SLC24A2: variants seen among roughly 807,000 people sequenced by gnomAD.
SLC24A2 encodes the protein solute carrier family 24 member 2, also known as sodium/potassium/calcium exchanger 2.
In SLC24A2, 36 loss-of-function variants were observed where a neutral mutation model predicts 62.0. That is an observed-to-expected ratio of 0.58 (90% CI 0.44 to 0.77). The LOEUF (loss-of-function observed/expected upper bound fraction) is 0.77. Ranked by LOEUF, SLC24A2 falls within the 30% of genes least tolerant of loss-of-function variation. SLC24A2 has a pLI of 0.00. For synonymous variants in SLC24A2, 358 were observed against 294.0 expected (o/e 1.22, Z -2.23); for missense variants, 846 against 817.9 (o/e 1.03, Z -0.42).
the SLC24A2 span, among the ~76,000 whole-genome samples, chr9:19,983,658 A>C: frequency 6.6e-6 from 1 of 152,148 alleles, no homozygotes; most frequent in South Asian, 2.1e-4. Context: ...AAAAGAAAAA[A>C]ATGTTTTATT....
the SLC24A2 span, among the ~76,000 whole-genome samples, chr9:20,263,865 C>CG: frequency 1.8e-5 from 1 of 55,126 alleles, no homozygotes; most frequent in Non-Finnish European, 3.4e-5. Flanking sequence ...CCACCCGCCC[C>CG]CCCCCCCCCA....
chr9:20,032,895 C>G, the SLC24A2 span, among the ~76,000 whole-genome samples: 1 of 152,142 alleles, frequency 6.6e-6, no homozygotes, highest in South Asian at 2.1e-4. Flanking sequence ...TCCTCATTCC[C>G]AGCGGCTGAC....
At chr9:19,821,660 T>G in the SLC24A2 span, among the ~76,000 whole-genome samples, 1 of 152,110 alleles carries the variant, frequency 6.6e-6, no homozygotes, top group South Asian at 2.1e-4. Context: ...AGATCAGAAT[T>G]TTTAAATGCC....
chr9:19,773,168 T>C (rs537276612), intron 2 of SLC24A2, among the ~76,000 whole-genome samples: 1 of 152,220 alleles, frequency 6.6e-6, no homozygotes, highest in Non-Finnish European at 1.5e-5. Context: ...GAGGGAGGAA[T>C]TGGGAGAGAC....
chr9:20,025,824 G>C, the SLC24A2 span, among the ~76,000 whole-genome samples: 12 of 152,084 alleles, frequency 7.9e-5, no homozygotes, highest in African/African-American at 2.7e-4. Flanking sequence ...CTTGCCAACA[G>C]TTTTTATAGA....
chr9:20,264,292 G>T, the SLC24A2 span, among the ~76,000 whole-genome samples: 95 of 152,316 alleles, frequency 6.2e-4, no homozygotes, highest in African/African-American at 2.3e-3. Flanking sequence ...GATTACATGA[G>T]TTCCTGCTTG....
At chr9:19,616,692 A>G (rs1192416760) in intron 4 of SLC24A2, among the ~76,000 whole-genome samples, 1 of 152,210 alleles carries the variant, frequency 6.6e-6, no homozygotes, top group Non-Finnish European at 1.5e-5. Context: ...TGAATAAAAT[A>G]GAGTCCCTGG....
the SLC24A2 span, among the ~76,000 whole-genome samples, chr9:20,236,604 C>G: frequency 2.0e-5 from 3 of 152,108 alleles, no homozygotes; most frequent in Non-Finnish European, 2.9e-5. Flanking sequence ...TGGATCTAAA[C>G]CAATCAAGTC....
chr9:20,214,457 CA>C, the SLC24A2 span, among the ~76,000 whole-genome samples: 1 of 151,160 alleles, frequency 6.6e-6, no homozygotes, highest in Non-Finnish European at 1.5e-5. Context: ...CTAAACAATA[CA>C]AAAAAAATTA....
At chr9:20,059,599 A>C in the SLC24A2 span, among the ~76,000 whole-genome samples, 2 of 152,166 alleles carry the variant, frequency 1.3e-5, no homozygotes, top group Admixed American at 6.6e-5. Context: ...TTTGAGATGA[A>C]TGAAAATGAA....
intron 2 of SLC24A2, among the ~76,000 whole-genome samples, chr9:19,729,906 G>A (rs988776361): frequency 3.9e-5 from 6 of 152,090 alleles, no homozygotes; most frequent in Non-Finnish European, 8.8e-5. Context: ...ACATGTTTGA[G>A]ATGATGGATA....
intron 8 of SLC24A2, among the ~76,000 whole-genome samples, chr9:19,543,367 A>G (rs1191565365): frequency 1.3e-5 from 2 of 148,434 alleles, no homozygotes; most frequent in African/African-American, 2.5e-5. Context: ...GATCTTTTCA[A>G]GAAACCAGCT....
intron 8 of SLC24A2, among the ~76,000 whole-genome samples, chr9:19,534,000 A>G (rs907814322): frequency 1.1e-4 from 8 of 71,392 alleles, no homozygotes; most frequent in Non-Finnish European, 2.1e-4. Flanking sequence ...ATCACTTTAA[A>G]TGTGCAGTAG....
the SLC24A2 span, among the ~76,000 whole-genome samples, chr9:19,993,998 G>A: frequency 2.6e-5 from 4 of 152,132 alleles, no homozygotes; most frequent in Admixed American, 6.5e-5. Flanking sequence ...CACAGCAGCC[G>A]TGTGTACTAG....
the SLC24A2 span, among the ~76,000 whole-genome samples, chr9:20,054,529 G>A: frequency 3.9e-5 from 6 of 152,038 alleles, no homozygotes; most frequent in African/African-American, 1.2e-4. Flanking sequence ...TGCACCCATC[G>A]CCCAAGCAGC....
At chr9:19,776,955 G>C (rs1020316479) in intron 2 of SLC24A2, among the ~76,000 whole-genome samples, 1 of 152,184 alleles carries the variant, frequency 6.6e-6, no homozygotes, top group South Asian at 2.1e-4. Context: ...TAGGTTAAAT[G>C]GCCAAGGAGC....
At chr9:20,274,422 CA>C in the SLC24A2 span, among the ~76,000 whole-genome samples, 1 of 152,084 alleles carries the variant, frequency 6.6e-6, no homozygotes, top group East Asian at 1.9e-4. Flanking sequence ...GAGTTTTGAT[CA>C]AAAAAGTGTC....
chr9:19,577,853 A>T (rs928301898), intron 5 of SLC24A2, among the ~76,000 whole-genome samples: 1 of 148,346 alleles, frequency 6.7e-6, no homozygotes, highest in African/African-American at 2.5e-5. Context: ...ATATATATAA[A>T]ATATATATAT....
At chr9:20,305,199 G>A in the SLC24A2 span, among the ~76,000 whole-genome samples, 1 of 147,954 alleles carries the variant, frequency 6.8e-6, no homozygotes, top group African/African-American at 2.5e-5. Flanking sequence ...TCTCTGCCTC[G>A]CAGGTTCAAG....
Sources: gnomAD v4.1 joint callset for allele counts (sites outside exome capture counted in the v4.1 genomes callset) on GRCh38, gnomAD v4.1.1 for gene constraint, MANE v1.5 for transcripts, NCBI Gene and HGNC (gene_info 2026-07-23, HGNC 2026-07-21) for gene names.